Variants in OR6F1 observed in about 807,000 individuals in gnomAD.
OR6F1 encodes the protein olfactory receptor family 6 subfamily F member 1.
For synonymous variants in OR6F1, 144 were observed against 150.0 expected, an observed-to-expected ratio of 0.96 and a Z score of 0.29; for missense variants, 346 against 376.0, an observed-to-expected ratio of 0.92 and a Z score of 0.66.
rs2103188503 is a variant in OR6F1 at position 247,712,052 on chromosome 1, C to T, written c.704G>A (p.Ser235Asn). 6.2e-7 allele frequency: 1 copy of T among 1,614,168 alleles called. No individual in the cohort carries two copies. The highest frequency in any genetic ancestry group is 8.5e-7 in the Non-Finnish European group (1 of 1,179,988). The change falls in exon 3 of 3, where the codon AGC becomes AAC. Residue 235 changes from serine (S) to asparagine (N), a missense_variant. Transcript: ENST00000641470. The part of the protein sequence containing the change: ...ILRIPSASGR[S>N]KAFSTCSSHL... Reference sequence around the variant, plus strand: ...CGAGGAGCACGTGGAGAAGGCTTTGCTCCGGCCACTGGCAGAGGGGATCCT... The same window carrying T: ...CGAGGAGCACGTGGAGAAGGCTTTGTTCCGGCCACTGGCAGAGGGGATCCT...
Position 247,711,862 on chromosome 1 carries a change from TCTTA to T in OR6F1, c.890_893del (p.Val297GlufsTer5). 4.3e-6 allele frequency: 7 copies of T among 1,613,614 alleles called. No homozygotes were observed. Among genetic ancestry groups the T allele is most frequent in the Non-Finnish European group, 5.9e-6 (7 of 1,179,546 alleles). Reference sequence around the variant, plus strand: ...CCTTCCATTTCTTCAGCAGAGTCTCTCTTACTTCCTTATTACGAAGCGTATAGAT... The same window carrying T: ...CCTTCCATTTCTTCAGCAGAGTCTCTCTTCCTTATTACGAAGCGTATAGAT... On this transcript the variant is annotated frameshift_variant, in exon 3 of 3. Coordinates refer to ENST00000641470, the MANE Select transcript of OR6F1 (RefSeq NM_001005286.2). LOFTEE classifies it low-confidence loss of function (END_TRUNC).
At chr1:247,714,899 T>A (rs1459495232) in intron 1 of OR6F1, among the ~76,000 whole-genome samples, 1 of 152,232 alleles carries the variant, frequency 6.6e-6, no homozygotes, top group Non-Finnish European at 1.5e-5. Flanking sequence ...AGTGCCAATG[T>A]CAACTGTTAA....
rs59637273 is a variant in OR6F1 at position 247,716,117 on chromosome 1, G to A, written c.-127+214C>T. ...AAAATACAAAAATTAGCCAGGTGTG[G>A]TGGTGCATGCCTGTAGTCCCAGCTA... On this transcript the variant is annotated intron_variant, in intron 1 of 2. Coordinates refer to ENST00000641470, the MANE Select transcript of OR6F1 (RefSeq NM_001005286.2). Among the ~76,000 whole-genome samples, 726 of 152,152 alleles carry A rather than the reference G, an allele frequency of 4.8e-3. 39 individuals are homozygous for A. In the East Asian group the frequency reaches 0.11, roughly 23 times the overall value.
chr1:247,714,005 A>G lies in OR6F1; in HGVS notation c.-126-51T>C, dbSNP rs1019102408. The G allele has an allele frequency of 3.5e-5, 14 of 398,460 alleles. No homozygotes were observed. The South Asian group carries it at 1.7e-3, about 47-fold the overall frequency. The allele number at this position is 398,460 out of a possible 1,614,324, so 24.7% of individuals were successfully genotyped here. ...TTTGATTAATGCACCCTTGACATGC[A>G]GCCTATGGTTTTTCATTTCATATGT... On this transcript the variant is annotated intron_variant, in intron 1 of 2. Transcript: ENST00000641470.
intron 2 of OR6F1, 95 bp downstream of exon 2, chr1:247,713,796 A>G: frequency 2.5e-6 from 1 of 397,496 alleles, no homozygotes; most frequent in East Asian, 3.6e-5. Flanking sequence ...TGTTTCCCGC[A>G]TAAACCCAAA....
chr1:247,715,467 A>G (rs560268261), intron 1 of OR6F1, among the ~76,000 whole-genome samples: 1 of 152,336 alleles, frequency 6.6e-6, no homozygotes, highest in Non-Finnish European at 1.5e-5. Flanking sequence ...ACTTTTACTT[A>G]TGCTGCTGAA....
At chr1:247,713,764 C>T (rs527936343) in intron 2 of OR6F1, 127 bp downstream of exon 2, 8 of 395,348 alleles carry the variant, frequency 2.0e-5, no homozygotes, top group African/African-American at 1.4e-4. Context: ...GTCCTACCCT[C>T]GCGTTCACCA....
At chr1:247,714,069 A>C (rs1660062041) in intron 1 of OR6F1, 115 bp from the exon 2 acceptor site, 2 of 397,648 alleles carry the variant, frequency 5.0e-6, no homozygotes, top group South Asian at 1.3e-4. Context: ...ACTGAGAAGC[A>C]AGGATCTAGC....
rs546213157 is a variant in OR6F1 at position 247,711,775 on chromosome 1, C to T, written c.*54G>A. 39 of 1,171,464 alleles carry T rather than the reference C, an allele frequency of 3.3e-5. 1 individual carries two copies. The South Asian group carries it at 5.2e-4, about 16-fold the overall frequency. The allele number at this position is 1,171,464 out of a possible 1,614,324, so 72.6% of individuals were successfully genotyped here. ...TATTCCTCCACATTCTTACTTGGAA[C>T]CTCTGTATAGATGCAGAGACCATTT... On this transcript the variant is annotated 3_prime_UTR_variant, in exon 3 of 3. Coordinates refer to ENST00000641470, the MANE Select transcript of OR6F1 (RefSeq NM_001005286.2).
chr1:247,715,752 A>T (rs1188004566), intron 1 of OR6F1, among the ~76,000 whole-genome samples: 4 of 152,186 alleles, frequency 2.6e-5, no homozygotes, highest in Non-Finnish European at 4.4e-5. Context: ...ATTTTTAATA[A>T]TTTTTTTGTT....
intron 1 of OR6F1, among the ~76,000 whole-genome samples, chr1:247,715,752 ATTT>A (rs149832720): frequency 1.2e-4 from 19 of 152,302 alleles, no homozygotes; most frequent in Non-Finnish European, 2.2e-4. Context: ...ATTTTTAATA[ATTT>A]TTTTGTTTGA....
At chr1:247,714,116 G>A (rs756994737) in intron 1 of OR6F1, among the ~76,000 whole-genome samples, 162 bp from the exon 2 acceptor site, 2 of 152,166 alleles carry the variant, frequency 1.3e-5, no homozygotes, top group African/African-American at 4.8e-5. Flanking sequence ...TAAATCTGCA[G>A]CTTTGCTTGA....
rs950712677 is a variant in OR6F1, at chr1:247,712,918, G to A, written c.-62-101C>T. On this transcript the variant is annotated intron_variant, in intron 2 of 2. Coordinates refer to ENST00000641470, the MANE Select transcript of OR6F1 (RefSeq NM_001005286.2). ...TTCATTGAATGCCTGCTCTGTGTTTGGAGGCATAGTTAATATCAGTTATTT... is the reference window on the plus strand; with the variant it reads ...TTCATTGAATGCCTGCTCTGTGTTTAGAGGCATAGTTAATATCAGTTATTT... 5.6e-4 allele frequency: 304 copies of A among 540,528 alleles called. 4 individuals are homozygous for A. Among genetic ancestry groups the A allele is most frequent in the Non-Finnish European group, 2.4e-4 (73 of 307,102 alleles). 33.5% of individuals were successfully genotyped at this position (540,528 alleles called of 1,614,324 possible).
At position 247,712,021 on chromosome 1, in the gene OR6F1, G is replaced by A. The variant is rs1031948419; in HGVS notation, c.735C>T (p.Leu245=). The A allele has an allele frequency of 1.2e-6, 2 of 1,614,154 alleles. No individual in the cohort carries two copies. Among genetic ancestry groups the A allele is most frequent in the African/African-American group, 2.7e-5 (2 of 75,060 alleles). ...ACCCATACCAAATGAGCACCACGGT[G>A]AGATGCGAGGAGCACGTGGAGAAGG... ...SKAFSTCSSH[L]TVVLIWYGST... is the part of the protein sequence containing the mutation. The change falls in exon 3 of 3, where the codon CTC becomes CTT. Residue 245 remains leucine (L), a synonymous_variant. Transcript: ENST00000641470.
rs1286519705 is a variant in OR6F1, at chr1:247,711,912, T to G, written c.844A>C (p.Thr282Pro). The change falls in exon 3 of 3, where the codon ACT becomes CCT. Residue 282 changes from threonine (T) to proline (P), a missense_variant. Physicochemically the swap from Thr to Pro is conservative, Grantham distance 38. Transcript: ENST00000641470. ...TAGATGAAGGGGTTTAAAACTGGAG[T>G]CACCACAGTGTTCAGGACGTGGACA... ...KAVHVLNTVV[T>P]PVLNPFIYTL... The G allele has an allele frequency of 6.2e-7, 1 of 1,613,836 alleles. No homozygotes were observed. Among genetic ancestry groups the G allele is most frequent in the Admixed American group, 1.7e-5 (1 of 60,014 alleles).
rs779471587 is a variant in OR6F1, at chr1:247,712,051, G to C, written c.705C>G (p.Ser235Arg). The C allele has an allele frequency of 1.5e-5, 24 of 1,614,060 alleles. No homozygotes were observed. In the Admixed American group the frequency reaches 2.2e-4, roughly 15 times the overall value. The part of the protein sequence containing the change: ...ILRIPSASGR[S>R]KAFSTCSSHL... ...GCGAGGAGCACGTGGAGAAGGCTTT[G>C]CTCCGGCCACTGGCAGAGGGGATCC... The change falls in exon 3 of 3, where the codon AGC becomes AGG. Residue 235 changes from serine (S) to arginine (R), a missense_variant. By Grantham distance (110) the Ser-to-Arg change is moderately radical (BLOSUM62 -1). Transcript: ENST00000641470.
intron 1 of OR6F1, among the ~76,000 whole-genome samples, chr1:247,714,433 CCTTT>C (rs148376335): frequency 0.052 from 7,887 of 152,110 alleles, 270 homozygotes; most frequent in Middle Eastern, 0.12. Context: ...AGAACCCCTT[CCTTT>C]GTCTTGTCGC....
rs890095199 is a variant in OR6F1, at chr1:247,712,836, T to C, written c.-62-19A>G. The stretch of plus-strand genomic sequence containing the variant: ...CACAGTCCTAGAAAGATAAAAAGAA[T>C]GGATTCATGAAAGAGCTCCAATAAT... On this transcript the variant is annotated intron_variant, in intron 2 of 2. Coordinates refer to ENST00000641470, the MANE Select transcript of OR6F1 (RefSeq NM_001005286.2). 19 of 722,070 alleles carry C rather than the reference T, an allele frequency of 2.6e-5. No individual in the cohort carries two copies. Among genetic ancestry groups the C allele is most frequent in the Non-Finnish European group, 4.2e-5 (18 of 432,954 alleles). 44.7% of individuals were successfully genotyped at this position (722,070 alleles called of 1,614,324 possible).
chr1:247,715,693 A>T lies in OR6F1; in HGVS notation c.-127+638T>A, dbSNP rs532355464. Among the ~76,000 whole-genome samples the T allele has an allele frequency of 2.0e-5, 3 of 152,322 alleles. No homozygotes were observed. In the South Asian group the frequency reaches 6.2e-4, roughly 32 times the overall value. On this transcript the variant is annotated intron_variant, in intron 1 of 2. Transcript: ENST00000641470. ...TTAGGTTGAAGTAAATTACCTTTTA[A>T]TTTTTCAGATTAACTAACAGATTAA...
Sources: gnomAD v4.1 joint callset for allele counts (sites outside exome capture counted in the v4.1 genomes callset) on GRCh38, gnomAD v4.1.1 for gene constraint, MANE v1.5 for transcripts, NCBI Gene and HGNC (gene_info 2026-07-23, HGNC 2026-07-21) for gene names.